Variants in RIMS2 observed in about 807,000 individuals in gnomAD.
RIMS2 encodes the protein regulating synaptic membrane exocytosis protein 2.
A neutral mutation model predicts 174.4 loss-of-function variants in RIMS2; 59 were observed. The ratio of observed to expected loss-of-function variants is 0.34; its 90% CI spans 0.27 to 0.42. RIMS2 has a LOEUF of 0.42. RIMS2 is among the 10% of genes least tolerant of loss of function. The pLI, the probability that RIMS2 is intolerant of heterozygous loss-of-function variation, is 1.00. For missense variants in RIMS2, 1,620 were observed against 1,666.3 expected (o/e 0.97, Z 0.48); for synonymous variants, 606 against 572.5 (o/e 1.06, Z -0.84).
At chr8:103,783,630 G>C (rs1158675274) in intron 3 of RIMS2, among the ~76,000 whole-genome samples, 2 of 151,962 alleles carry the variant, frequency 1.3e-5, no homozygotes, top group Non-Finnish European at 2.9e-5. Context: ...GTATTCCATG[G>C]TGTATATGTG....
intron 2 of RIMS2, among the ~76,000 whole-genome samples, chr8:103,726,286 C>A (rs1416806855): frequency 6.6e-6 from 1 of 152,122 alleles, no homozygotes; most frequent in Non-Finnish European, 1.5e-5. Context: ...CATTGTAAGT[C>A]AAGGAGCATC....
chr8:104,016,298 C>T (rs2095902613), intron 19 of RIMS2, among the ~76,000 whole-genome samples: 1 of 151,970 alleles, frequency 6.6e-6, no homozygotes, highest in Non-Finnish European at 1.5e-5. Context: ...AAAATAATCT[C>T]GTCATTATAT....
chr8:103,719,993 C>A (rs1230010263), intron 2 of RIMS2, among the ~76,000 whole-genome samples: 1 of 152,004 alleles, frequency 6.6e-6, no homozygotes, highest in South Asian at 2.1e-4. Flanking sequence ...TGAGACAACA[C>A]TAGATAAAAA....
intron 1 of RIMS2, among the ~76,000 whole-genome samples, chr8:103,571,686 CACCTT>C (rs1390933168): frequency 6.6e-6 from 1 of 152,144 alleles, no homozygotes; most frequent in Non-Finnish European, 1.5e-5. Flanking sequence ...AAAAAGAACT[CACCTT>C]ACACTAGCTT....
At chr8:103,703,028 C>T (rs2097185500) in intron 2 of RIMS2, among the ~76,000 whole-genome samples, 1 of 149,390 alleles carries the variant, frequency 6.7e-6, no homozygotes. Flanking sequence ...GTCACCCAGG[C>T]TGGAGTGCAT....
intron 1 of RIMS2, among the ~76,000 whole-genome samples, chr8:103,564,547 G>T (rs2092086425): frequency 2.0e-5 from 3 of 152,186 alleles, no homozygotes; most frequent in Admixed American, 1.3e-4. Flanking sequence ...GTGGTTGAAG[G>T]TCCAAGAGCC....
At chr8:103,829,017 T>C (rs12548029) in intron 3 of RIMS2, among the ~76,000 whole-genome samples, 18,847 of 152,108 alleles carry the variant, frequency 0.12, 1,272 homozygotes, top group Middle Eastern at 0.22. Context: ...CCTCTAGCTT[T>C]GTTCTTTTTG....
At chr8:103,806,669 A>G (rs1479565716) in intron 3 of RIMS2, among the ~76,000 whole-genome samples, 2 of 151,982 alleles carry the variant, frequency 1.3e-5, no homozygotes, top group Admixed American at 1.3e-4. Context: ...TGTAGAGGAC[A>G]AGATTAATGC....
intron 19 of RIMS2, among the ~76,000 whole-genome samples, chr8:104,171,426 G>A (rs57637112): frequency 0.03 from 4,564 of 151,252 alleles, 210 homozygotes; most frequent in African/African-American, 0.098. Context: ...TTGTTCTATT[G>A]CTGAAACTTT....
intron 3 of RIMS2, among the ~76,000 whole-genome samples, chr8:103,789,746 ACT>A (rs2098478691): frequency 2.9e-5 from 3 of 102,072 alleles, no homozygotes; most frequent in South Asian, 3.0e-4. Context: ...GATGGATTGT[ACT>A]CTTTTTTTTT....
chr8:103,593,569 C>T (rs1261931097), intron 1 of RIMS2, among the ~76,000 whole-genome samples: 1 of 151,274 alleles, frequency 6.6e-6, no homozygotes, highest in Non-Finnish European at 1.5e-5. Flanking sequence ...TGTGTGAACC[C>T]AAATTTTCTT....
intron 1 of RIMS2, among the ~76,000 whole-genome samples, chr8:103,570,013 C>G (rs1284168198): frequency 6.6e-6 from 1 of 152,138 alleles, no homozygotes; most frequent in Non-Finnish European, 1.5e-5. Flanking sequence ...TACAATTGAT[C>G]TTTGAATATT....
chr8:104,085,838 G>A (rs2097527954), intron 19 of RIMS2, among the ~76,000 whole-genome samples: 1 of 152,074 alleles, frequency 6.6e-6, no homozygotes, highest in African/African-American at 2.4e-5. Flanking sequence ...GGTTTAGGGT[G>A]AAAGAATAAA....
chr8:103,927,217 A>G (rs1383140446), intron 10 of RIMS2, among the ~76,000 whole-genome samples: 1 of 151,580 alleles, frequency 6.6e-6, no homozygotes, highest in East Asian at 1.9e-4. Flanking sequence ...ATATCTGATG[A>G]TGGTGTTTCA....
chr8:103,696,184 AT>A (rs2097098647), intron 1 of RIMS2, among the ~76,000 whole-genome samples: 1 of 152,050 alleles, frequency 6.6e-6, no homozygotes, highest in Non-Finnish European at 1.5e-5. Context: ...TTATTGACTA[AT>A]TTTTAAGTTT....
intron 1 of RIMS2, among the ~76,000 whole-genome samples, chr8:103,571,189 T>G (rs935361087): frequency 6.6e-6 from 1 of 152,246 alleles, no homozygotes; most frequent in Admixed American, 6.5e-5. Flanking sequence ...GTACATACTA[T>G]GTATTCATTA....
intron 3 of RIMS2, among the ~76,000 whole-genome samples, chr8:103,795,115 G>T (rs2098539015): frequency 6.6e-6 from 1 of 152,130 alleles, no homozygotes; most frequent in African/African-American, 2.4e-5. Flanking sequence ...AAATCATGCT[G>T]CTATACAGAC....
At chr8:103,991,120 T>C (rs2094667122) in intron 17 of RIMS2, among the ~76,000 whole-genome samples, 1 of 151,772 alleles carries the variant, frequency 6.6e-6, no homozygotes, top group South Asian at 2.1e-4. Context: ...TGTCTGCAAC[T>C]GAAACATCAT....
At position 103,607,331 on chromosome 8, in the gene RIMS2, C is replaced by T. The variant is rs568306417; in HGVS notation, c.177-89755C>T. Among the ~76,000 whole-genome samples, 11 of 151,936 alleles carry T rather than the reference C, an allele frequency of 7.2e-5. No individual in the cohort carries two copies. In the East Asian group the frequency reaches 1.7e-3, roughly 24 times the overall value. Reference sequence around the variant, plus strand: ...CTTTAAGAATGTTGAATATTGGCCCCCACTCTCTTCTGGCTTGTAGGGTTT... The same window carrying T: ...CTTTAAGAATGTTGAATATTGGCCCTCACTCTCTTCTGGCTTGTAGGGTTT... On this transcript the variant is annotated intron_variant, in intron 1 of 23. Coordinates refer to ENST00000504942, the Ensembl canonical transcript of RIMS2.
Sources: gnomAD v4.1 joint callset for allele counts (sites outside exome capture counted in the v4.1 genomes callset) on GRCh38, gnomAD v4.1.1 for gene constraint, MANE v1.5 for transcripts, NCBI Gene and HGNC (gene_info 2026-07-23, HGNC 2026-07-21) for gene names.